The following GUCA2A variants were observed in gnomAD, a reference collection of about 807,000 sequenced individuals.
The protein encoded by GUCA2A is guanylate cyclase activator 2A.
GUCA2A carries 17 observed loss-of-function variants against 11.2 expected under a neutral mutation model. The observed-to-expected ratio is 1.52, with a 90% CI of 1.04 to 2.28. The LOEUF is 2.28. GUCA2A is among the 30% of genes most tolerant of loss of function. GUCA2A has a pLI of 0.00. For missense variants in GUCA2A, 173 were observed against 139.3 expected (o/e 1.24, Z -1.22); for synonymous variants, 64 against 57.1 (o/e 1.12, Z -0.54).
At chr1:42,163,312 C>A in intron 2 of GUCA2A, 91 bp downstream of exon 2, 1 of 857,572 alleles carries the variant, frequency 1.2e-6, no homozygotes, top group Non-Finnish European at 1.9e-6. Context: ...AGCCCTTCCT[C>A]CAAATCCCAC....
At chr1:42,163,750 G>C in intron 1 of GUCA2A, 140 bp from the exon 2 acceptor site, 1 of 622,464 alleles carries the variant, frequency 1.6e-6, no homozygotes, top group Non-Finnish European at 2.8e-6. Context: ...CCACAGTGGG[G>C]CACTGTGAGG....
At position 42,164,621 on chromosome 1, in the gene GUCA2A, A is replaced by G. The variant is rs757060327; in HGVS notation, c.75+17T>C. On this transcript the variant is annotated intron_variant, in intron 1 of 2. Transcript: ENST00000357001. ...GGCAGGGAGCCAGCTGGGCCGGGGTAGGGACACAGGACTCACCTGCACGGT... is the reference window on the plus strand; with the variant it reads ...GGCAGGGAGCCAGCTGGGCCGGGGTGGGGACACAGGACTCACCTGCACGGT... 3.3e-6 allele frequency: 5 copies of G among 1,497,928 alleles called. No homozygotes were observed. The highest frequency in any genetic ancestry group is 4.5e-6 in the Non-Finnish European group (5 of 1,099,040). The allele number at this position is 1,497,928 out of a possible 1,614,324, so 92.8% of individuals were successfully genotyped here.
chr1:42,162,715 G>A lies in GUCA2A; in HGVS notation c.*191C>T. The A allele has an allele frequency of 6.7e-6, 4 of 600,094 alleles. No individual in the cohort carries two copies. The highest frequency in any genetic ancestry group is 2.0e-5 in the South Asian group (1 of 50,966). The allele number at this position is 600,094 out of a possible 1,614,324, so 37.2% of individuals were successfully genotyped here. A position where few individuals can be genotyped will look rare whatever the true frequency, so the allele number is the denominator to read the frequency against. On this transcript the variant is annotated 3_prime_UTR_variant, in exon 3 of 3. Transcript: ENST00000357001. ...TACTCTGGAATCTGGTTTATTAGCT[G>A]GGGGTTGAAGTGGCAGGGAAGGACA...
Position 42,164,720 on chromosome 1 carries a change from G to A in GUCA2A, c.-8C>T, listed in dbSNP as rs956633165. 1 of 1,534,172 alleles carries A rather than the reference G, an allele frequency of 6.5e-7. No homozygotes were observed. The highest frequency in any genetic ancestry group is 2.0e-5 in the Admixed American group (1 of 51,038). On this transcript the variant is annotated 5_prime_UTR_variant, in exon 1 of 3. Coordinates refer to ENST00000357001, the MANE Select transcript of GUCA2A (RefSeq NM_033553.3). Reference sequence around the variant, plus strand: ...GAGCAGGAAGGCATTCATGGCAGCAGTGCCCGAGAGAGGGGTGGCTGTTCT... The same window carrying A: ...GAGCAGGAAGGCATTCATGGCAGCAATGCCCGAGAGAGGGGTGGCTGTTCT...
chr1:42,163,588 A>G lies in GUCA2A; in HGVS notation c.98T>C (p.Leu33Pro). Residue 33 changes from leucine to proline, a missense_variant, in exon 2 of 3, where the codon CTG becomes CCG. Leu to Pro is a moderately conservative substitution (Grantham distance 98, BLOSUM62 -3). Transcript: ENST00000357001. ...TVQDGNFSFS[L>P]ESVKKLKDLQ... ...GTCTTTGAGCTTCTTCACTGACTCC[A>G]GAGAAAAGGAGAAATTTCCATCCTG... The G allele has an allele frequency of 1.2e-6, 2 of 1,612,168 alleles. No individual in the cohort carries two copies. The highest frequency in any genetic ancestry group is 1.1e-5 in the South Asian group (1 of 90,926).
At position 42,163,473 on chromosome 1, in the gene GUCA2A, G is replaced by T. The variant is rs1646138918; in HGVS notation, c.213C>A (p.Asn71Lys). Reference sequence around the variant, plus strand: ...GCTTGAGTTCTTCTGGAAAGTTCGGGTTGCTACAGAGGATGGGAACCACAG... The same window carrying T: ...GCTTGAGTTCTTCTGGAAAGTTCGGTTTGCTACAGAGGATGGGAACCACAG... ...GEPVVPILCS[N>K]PNFPEELKPL... Residue 71 changes from asparagine (N) to lysine (K), a missense_variant, in exon 2 of 3, where the codon AAC becomes AAA. By Grantham distance (94) the Asn-to-Lys change is moderately conservative. Transcript: ENST00000357001. 2 of 1,613,978 alleles carry T rather than the reference G, an allele frequency of 1.2e-6. No individual in the cohort carries two copies. The highest frequency in any genetic ancestry group is 1.7e-6 in the Non-Finnish European group (2 of 1,179,836).
chr1:42,163,414 A>G lies in GUCA2A; in HGVS notation c.272T>C (p.Leu91Pro), dbSNP rs1415273600. 1 of 1,610,402 alleles carries G rather than the reference A, an allele frequency of 6.2e-7. No individual in the cohort carries two copies. Among genetic ancestry groups the G allele is most frequent in the Admixed American group, 1.7e-5 (1 of 60,000 alleles). The stretch of plus-strand genomic sequence containing the variant: ...AGGAGGCTGCTCACCCAGCCTCTGA[A>G]GTATCTCCTGGGCATTGGGCTCCTT... ...LCKEPNAQEILQRLEEIAEDP... is the reference protein window; with the variant it reads ...LCKEPNAQEIPQRLEEIAEDP... The change falls in exon 2 of 3, where the codon CTT becomes CCT. Residue 91 changes from leucine (L) to proline (P), a missense_variant. Physicochemically the swap from Leu to Pro is moderately conservative, Grantham distance 98. Transcript: ENST00000357001.
intron 1 of GUCA2A, 147 bp from the exon 2 acceptor site, chr1:42,163,757 G>A (rs1047707481): frequency 1.8e-4 from 113 of 618,016 alleles, no homozygotes; most frequent in East Asian, 2.2e-4. Flanking sequence ...GGGGCACTGT[G>A]AGGGGCAGAG....
Position 42,162,939 on chromosome 1 carries a change from T to C in GUCA2A, c.315A>G (p.Glu105=), listed in dbSNP as rs1646135697. Residue 105 remains glutamate, a synonymous_variant, in exon 3 of 3, where the codon GAA becomes GAG. Transcript: ENST00000357001. ...EEIAEDPGTC[E]ICAYAACTGC ...CGGTACAGGCAGCGTAGGCACAGAT[T>C]TCACATGTGCCCGGGTCCTCAGCGA... 2 of 1,613,594 alleles carry C rather than the reference T, an allele frequency of 1.2e-6. No homozygotes were observed. The highest frequency in any genetic ancestry group is 1.6e-4 in the Middle Eastern group (1 of 6,062).
rs201660564 is a variant in GUCA2A, at chr1:42,164,649, C to G, written c.64G>C (p.Val22Leu). The G allele has an allele frequency of 8.4e-5, 130 of 1,546,680 alleles. 1 individual carries two copies. The South Asian group carries it at 1.0e-3, about 12-fold the overall frequency. The change falls in exon 1 of 3, where the codon GTC becomes CTC. Residue 22 changes from valine to leucine, a missense_variant. Val to Leu is a conservative substitution (Grantham distance 32). Coordinates refer to ENST00000357001, the MANE Select transcript of GUCA2A (RefSeq NM_033553.3). ...GACACAGGACTCACCTGCACGGTGA[C>G]CCCTCCTGCCAAGGCGGCCCAGGCC... The part of the protein sequence containing the change: ...LGAWAALAGG[V>L]TVQDGNFSFS...
At position 42,162,987 on chromosome 1, in the gene GUCA2A, G is replaced by T. The variant is rs1229942241; in HGVS notation, c.284-17C>A. 3.7e-6 allele frequency: 6 copies of T among 1,606,540 alleles called. No individual in the cohort carries two copies. In the African/African-American group the frequency reaches 5.4e-5, roughly 14 times the overall value. ...CGATTTCCTCTGCACAACAGAGATG[G>T]AGCCTCGTGAGAACCAGCATTTCCT... On this transcript the variant is annotated splice_polypyrimidine_tract_variant and intron_variant, in intron 2 of 2. Coordinates refer to ENST00000357001, the MANE Select transcript of GUCA2A (RefSeq NM_033553.3).
Position 42,163,436 on chromosome 1 carries a change from C to G in GUCA2A, c.250G>C (p.Glu84Gln), listed in dbSNP as rs762798459. ...FPEELKPLCK[E>Q]PNAQEILQRL... ...TGAAGTATCTCCTGGGCATTGGGCT[C>G]CTTGCAGAGAGGCTTGAGTTCTTCT... is the stretch of plus-strand genomic sequence containing the variant. Residue 84 changes from glutamate (E) to glutamine (Q), a missense_variant, in exon 2 of 3, where the codon GAG becomes CAG. Coordinates refer to ENST00000357001, the MANE Select transcript of GUCA2A (RefSeq NM_033553.3). 6.2e-7 allele frequency: 1 copy of G among 1,613,690 alleles called. No homozygotes were observed. Among genetic ancestry groups the G allele is most frequent in the South Asian group, 1.1e-5 (1 of 91,048 alleles).
intron 2 of GUCA2A, 28 bp from the exon 3 acceptor site, chr1:42,162,998 G>A (rs376534107): frequency 5.6e-6 from 9 of 1,593,704 alleles, no homozygotes; most frequent in Non-Finnish European, 8.6e-7. Flanking sequence ...AGCCTCGTGA[G>A]AACCAGCATT....
Position 42,164,653 on chromosome 1 carries a change from T to A in GUCA2A, c.60A>T (p.Gly20=), listed in dbSNP as rs779737243. Residue 20 remains glycine, a synonymous_variant, in exon 1 of 3, where the codon GGA becomes GGT. Coordinates refer to ENST00000357001, the MANE Select transcript of GUCA2A (RefSeq NM_033553.3). The part of the protein sequence containing the change: ...CLLGAWAALA[G]GVTVQDGNFS... ...CAGGACTCACCTGCACGGTGACCCC[T>A]CCTGCCAAGGCGGCCCAGGCCCCAA... The A allele has an allele frequency of 1.9e-6, 3 of 1,549,278 alleles. No homozygotes were observed. Among genetic ancestry groups the A allele is most frequent in the South Asian group, 1.2e-5 (1 of 84,008 alleles).
At chr1:42,163,666 G>A in intron 1 of GUCA2A, 56 bp from the exon 2 acceptor site, 1 of 1,261,340 alleles carries the variant, frequency 7.9e-7, no homozygotes, top group Non-Finnish European at 1.1e-6. Flanking sequence ...TCCTGGCTGT[G>A]CCCCCCGTGC....
At chr1:42,163,799 A>T (rs527914977) in intron 1 of GUCA2A, among the ~76,000 whole-genome samples, 189 bp from the exon 2 acceptor site, 1 of 152,206 alleles carries the variant, frequency 6.6e-6, no homozygotes, top group African/African-American at 2.4e-5. Context: ...TGGCTCCGTG[A>T]TGCTGGACAC....
chr1:42,163,719 G>A lies in GUCA2A; in HGVS notation c.76-109C>T, dbSNP rs1240005694. 5 of 705,044 alleles carry A rather than the reference G, an allele frequency of 7.1e-6. No individual in the cohort carries two copies. In the East Asian group the frequency reaches 1.3e-4, roughly 19 times the overall value. The allele number at this position is 705,044 out of a possible 1,614,324, so 43.7% of individuals were successfully genotyped here. On this transcript the variant is annotated intron_variant, in intron 1 of 2. Coordinates refer to ENST00000357001, the MANE Select transcript of GUCA2A (RefSeq NM_033553.3). ...AGTGGTGCTCACAGGCAGTGTTCGT[G>A]GCATATGGGAGCCAGGCGATCCACA... is the stretch of plus-strand genomic sequence containing the variant.
chr1:42,162,892 G>A lies in GUCA2A; in HGVS notation c.*14C>T, dbSNP rs200246014. ...CCCTGCTGCGGAGGGGAGGCAGGCA[G>A]TGGGCAAGCCCCCCTAGCATCCGGT... On this transcript the variant is annotated 3_prime_UTR_variant, in exon 3 of 3. Transcript: ENST00000357001. 525 of 1,607,268 alleles carry A rather than the reference G, an allele frequency of 3.3e-4. 1 individual carries two copies. Among genetic ancestry groups the A allele is most frequent in the Middle Eastern group, 2.6e-3 (16 of 6,060 alleles).
rs1231793322 is a variant in GUCA2A at position 42,164,673 on chromosome 1, C to A, written c.40G>T (p.Ala14Ser). Residue 14 changes from alanine to serine, a missense_variant, in exon 1 of 3, where the codon GCC (alanine) becomes TCC (serine). By Grantham distance (99) the Ala-to-Ser change is moderately conservative. Transcript: ENST00000357001. ...FLLSALCLLG[A>S]WAALAGGVTV... The stretch of plus-strand genomic sequence containing the variant: ...ACCCCTCCTGCCAAGGCGGCCCAGG[C>A]CCCAAGGAGGCACAGTGCGGAGAGC... The A allele has an allele frequency of 1.3e-6, 2 of 1,551,398 alleles. No homozygotes were observed. Among genetic ancestry groups the A allele is most frequent in the South Asian group, 2.4e-5 (2 of 84,068 alleles).
Sources: allele counts gnomAD v4.1 joint callset (sites outside exome capture counted in the v4.1 genomes callset), GRCh38; gene constraint gnomAD v4.1.1; transcripts MANE v1.5; gene names NCBI Gene and HGNC (gene_info 2026-07-23, HGNC 2026-07-21).